The following PTPRD variants were observed in gnomAD, a reference collection of about 807,000 sequenced individuals.
PTPRD encodes receptor-type tyrosine-protein phosphatase delta.
A neutral mutation model predicts 214.5 loss-of-function variants in PTPRD; 34 were observed. The ratio of observed to expected loss-of-function variants is 0.16; its 90% CI spans 0.12 to 0.21. The LOEUF (loss-of-function observed/expected upper bound fraction) is 0.21, where lower values mean the gene tolerates loss of function less well. Among genes scored for constraint, PTPRD ranks in the 10% least tolerant of loss-of-function variants. PTPRD has a pLI of 1.00. For synonymous variants in PTPRD, 1,128 were observed against 845.7 expected, an observed-to-expected ratio of 1.33 and a Z score of -5.79; for missense variants, 2,545 against 2,398.7, an observed-to-expected ratio of 1.06 and a Z score of -1.27.
intron 10 of PTPRD, among the ~76,000 whole-genome samples, chr9:9,120,811 C>T (rs956887463): frequency 2.6e-5 from 4 of 152,176 alleles, no homozygotes; most frequent in Non-Finnish European, 5.9e-5. Flanking sequence ...ATGTGTACAA[C>T]ATTTCCATAG....
At chr9:8,493,816 G>A (rs1206073991) in intron 26 of PTPRD, among the ~76,000 whole-genome samples, 1 of 152,026 alleles carries the variant, frequency 6.6e-6, no homozygotes, top group East Asian at 1.9e-4. Context: ...CTTAGTCAGG[G>A]CCCAAAGCTG....
At chr9:10,250,259 C>A (rs902824751) in intron 3 of PTPRD, among the ~76,000 whole-genome samples, 1 of 152,092 alleles carries the variant, frequency 6.6e-6, no homozygotes, top group African/African-American at 2.4e-5. Flanking sequence ...CTTCAAGATT[C>A]AGTTTAGGGT....
chr9:10,080,655 G>C (rs2098221695), intron 3 of PTPRD, among the ~76,000 whole-genome samples: 1 of 152,008 alleles, frequency 6.6e-6, no homozygotes, highest in Non-Finnish European at 1.5e-5. Flanking sequence ...TAAAATGCTA[G>C]ATAAAATCCA....
intron 2 of PTPRD, among the ~76,000 whole-genome samples, chr9:10,611,036 G>A (rs1025571954): frequency 8.6e-5 from 13 of 151,972 alleles, no homozygotes; most frequent in African/African-American, 3.1e-4. Context: ...GAAGCCCTTA[G>A]GTATAATTAA....
intron 7 of PTPRD, among the ~76,000 whole-genome samples, chr9:9,733,832 G>A (rs1430289680): frequency 1.3e-5 from 2 of 152,134 alleles, no homozygotes; most frequent in Non-Finnish European, 2.9e-5. Flanking sequence ...TCAGAACATA[G>A]TAGGATCCCA....
chr9:10,277,765 A>G (rs1326779235), intron 3 of PTPRD, among the ~76,000 whole-genome samples: 2 of 152,326 alleles, frequency 1.3e-5, no homozygotes, highest in Admixed American at 6.5e-5. Flanking sequence ...AGAATCACCT[A>G]CATAGTGGAG....
At chr9:10,579,957 T>C (rs2071108043) in intron 2 of PTPRD, among the ~76,000 whole-genome samples, 1 of 152,056 alleles carries the variant, frequency 6.6e-6, no homozygotes, top group Non-Finnish European at 1.5e-5. Context: ...AATGGGGTTG[T>C]TTTTTGCGTG....
At chr9:8,466,469 G>A (rs10815881) in intron 31 of PTPRD, among the ~76,000 whole-genome samples, 35,440 of 151,698 alleles carry the variant, frequency 0.23, 4,238 homozygotes, top group East Asian at 0.33. Flanking sequence ...AAGAGATAGA[G>A]TTTATTTCTG....
chr9:9,759,255 T>C (rs1188192587), intron 6 of PTPRD, among the ~76,000 whole-genome samples: 1 of 152,150 alleles, frequency 6.6e-6, no homozygotes. Flanking sequence ...CTGGTAATGA[T>C]TACATTGGTT....
At chr9:9,754,191 G>A (rs1201521727) in intron 6 of PTPRD, among the ~76,000 whole-genome samples, 1 of 152,078 alleles carries the variant, frequency 6.6e-6, no homozygotes, top group East Asian at 1.9e-4. Context: ...CAAGGGAACT[G>A]GAGGAATGAA....
Position 8,452,773 on chromosome 9 carries a change from C to G in PTPRD, c.3876-2936G>C, listed in dbSNP as rs559927055. Among the ~76,000 whole-genome samples the G allele has an allele frequency of 2.2e-4, 33 of 152,152 alleles. No homozygotes were observed. In the South Asian group the frequency reaches 6.9e-3, roughly 32 times the overall value. On this transcript the variant is annotated intron_variant, in intron 33 of 45. Transcript: ENST00000381196. ...GTGGTTGTTTGGGATGTGGGTAATACACAATACAAATGCTACTCTGGTCTA... is the reference window on the plus strand; with the variant it reads ...GTGGTTGTTTGGGATGTGGGTAATAGACAATACAAATGCTACTCTGGTCTA...
At chr9:9,872,318 A>T (rs1318557518) in intron 5 of PTPRD, among the ~76,000 whole-genome samples, 1 of 152,134 alleles carries the variant, frequency 6.6e-6, no homozygotes, top group East Asian at 1.9e-4. Context: ...AATTTCCTCC[A>T]CAATTAAATG....
At chr9:10,444,321 T>C (rs1280182321) in intron 2 of PTPRD, among the ~76,000 whole-genome samples, 1 of 151,814 alleles carries the variant, frequency 6.6e-6, no homozygotes, top group Non-Finnish European at 1.5e-5. Flanking sequence ...AGATATTTAA[T>C]GACTCACAAA....
At chr9:9,198,769 C>A (rs1569561364) in intron 9 of PTPRD, among the ~76,000 whole-genome samples, 1 of 152,112 alleles carries the variant, frequency 6.6e-6, no homozygotes, top group Admixed American at 6.5e-5. Flanking sequence ...CAGTGTCTTA[C>A]CTTAATGGAA....
chr9:8,936,533 C>T (rs1448168046), intron 11 of PTPRD, among the ~76,000 whole-genome samples: 1 of 149,632 alleles, frequency 6.7e-6, no homozygotes. Flanking sequence ...TTGCTATATG[C>T]AGCAACTATA....
chr9:8,897,557 G>A (rs534423904), intron 11 of PTPRD, among the ~76,000 whole-genome samples: 11 of 152,248 alleles, frequency 7.2e-5, no homozygotes, highest in African/African-American at 2.4e-4. Context: ...GAGGGCCTTC[G>A]CCATGAGCTG....
chr9:8,669,538 A>G lies in PTPRD; in HGVS notation c.65-32694T>C, dbSNP rs2097237512. Among the ~76,000 whole-genome samples, 9 of 152,092 alleles carry G rather than the reference A, an allele frequency of 5.9e-5. No individual in the cohort carries two copies. The South Asian group carries it at 1.9e-3, about 32-fold the overall frequency. On this transcript the variant is annotated intron_variant, in intron 12 of 45. Coordinates refer to ENST00000381196, the MANE Select transcript of PTPRD (RefSeq NM_002839.4). Reference sequence around the variant, plus strand: ...AGTATTTTCCATTCTCCCATATAAAAAGACACCAAGGTTAGTGGAAGGAAA... The same window carrying G: ...AGTATTTTCCATTCTCCCATATAAAGAGACACCAAGGTTAGTGGAAGGAAA...
rs142900364 is a variant in PTPRD at position 9,987,580 on chromosome 9, G to A, written c.-472+46138C>T. 4.4e-3 allele frequency among the ~76,000 whole-genome samples: 671 copies of A among 152,186 alleles called. 2 individuals are homozygous for A. Among genetic ancestry groups the A allele is most frequent in the African/African-American group, 7.3e-3 (302 of 41,534 alleles). On this transcript the variant is annotated intron_variant, in intron 4 of 45. Coordinates refer to ENST00000381196, the MANE Select transcript of PTPRD (RefSeq NM_002839.4). Reference sequence around the variant, plus strand: ...CCCCGACAACATGTGGGAATTATGGGAGCTACGAGATGAGATTTGGGTGGG... The same window carrying A: ...CCCCGACAACATGTGGGAATTATGGAAGCTACGAGATGAGATTTGGGTGGG...
chr9:9,762,550 C>T (rs1289090291), intron 6 of PTPRD, among the ~76,000 whole-genome samples: 4 of 152,176 alleles, frequency 2.6e-5, no homozygotes, highest in African/African-American at 9.7e-5. Context: ...TGCTCAGAAA[C>T]CTCCTCAGCT....
Sources: allele counts gnomAD v4.1 joint callset (sites outside exome capture counted in the v4.1 genomes callset), GRCh38; gene constraint gnomAD v4.1.1; transcripts MANE v1.5; gene names NCBI Gene and HGNC (gene_info 2026-07-23, HGNC 2026-07-21).